ATP1A1: variants seen among roughly 807,000 people sequenced by gnomAD.
ATP1A1 encodes the protein ATPase Na+/K+ transporting subunit alpha 1, also known as sodium/potassium-transporting ATPase subunit alpha-1.
In ATP1A1, 14 loss-of-function variants were observed where a neutral mutation model predicts 114.8. That is an observed-to-expected ratio of 0.12 (90% CI 0.08 to 0.19). ATP1A1 has a LOEUF of 0.19. ATP1A1 is among the 10% of genes least tolerant of loss of function. The pLI, the probability that ATP1A1 is intolerant of heterozygous loss-of-function variation, is 1.00. For synonymous variants in ATP1A1, 471 were observed against 466.3 expected, an observed-to-expected ratio of 1.01 and a Z score of -0.13; for missense variants, 524 against 1,290.7, an observed-to-expected ratio of 0.41 and a Z score of 9.10.
At chr1:116,375,969 T>G (rs902930337) in intron 1 of ATP1A1, among the ~76,000 whole-genome samples, 5 of 152,252 alleles carry the variant, frequency 3.3e-5, no homozygotes, top group Non-Finnish European at 5.9e-5. Context: ...CAGCTCTTGC[T>G]GAATCATTCC....
In ATP1A1 at chr1:116,374,122, T is replaced by G; in HGVS notation, c.12+599T>G. 3.9e-6 allele frequency: 6 copies of G among 1,540,508 alleles called. No individual in the cohort carries two copies. In the South Asian group the frequency reaches 7.2e-5, roughly 19 times the overall value. The stretch of plus-strand genomic sequence containing the variant: ...CTGGGGACGCTGGGGCTTAGCTTGC[T>G]CCGCGCAGAGGCGGCCGCCCTCCCC... On this transcript the variant is annotated intron_variant, in intron 1 of 22. Coordinates refer to ENST00000295598, the MANE Select transcript of ATP1A1 (RefSeq NM_000701.8).
intron 1 of ATP1A1, chr1:116,374,197 G>T (rs762135912): frequency 2.6e-6 from 4 of 1,550,728 alleles, no homozygotes; most frequent in Non-Finnish European, 3.5e-6. Flanking sequence ...GGGCGGGCTG[G>T]TGCCAGAAAG....
chr1:116,379,811 C>T (rs1379571289), intron 1 of ATP1A1, among the ~76,000 whole-genome samples: 2 of 152,152 alleles, frequency 1.3e-5, no homozygotes, highest in African/African-American at 4.8e-5. Context: ...AATGAGAAAG[C>T]ACCCCTCCCC....
rs921810198 is a variant in ATP1A1 at position 116,387,055 on chromosome 1, T to A, written c.184-233T>A. Among the ~76,000 whole-genome samples the A allele has an allele frequency of 2.6e-5, 4 of 152,220 alleles. No homozygotes were observed. Among genetic ancestry groups the A allele is most frequent in the Non-Finnish European group, 5.9e-5 (4 of 68,032 alleles). ...TATTGATGGATCAATTTAAAGAGTT[T>A]TAATCTGGGTGTTATGAGTTCCTTG... is the stretch of plus-strand genomic sequence containing the variant. On this transcript the variant is annotated intron_variant, in intron 3 of 22. Transcript: ENST00000295598. This position sits in a 1 kb window ranked among gnomAD's most constrained non-coding sequence, Gnocchi z 6.7.
At position 116,404,516 on chromosome 1, in the gene ATP1A1, C is replaced by G. The variant is rs1653812776; in HGVS notation, c.*72C>G. On this transcript the variant is annotated 3_prime_UTR_variant, in exon 23 of 23. Coordinates refer to ENST00000295598, the MANE Select transcript of ATP1A1 (RefSeq NM_000701.8). This position sits in a 1 kb window ranked among gnomAD's most constrained non-coding sequence, Gnocchi z 4.8. ...CCGACACCCACCCCCTCTTTGTGTACTTCAGTCTTGGAGTTTGGAACTCTA... is the reference window on the plus strand; with the variant it reads ...CCGACACCCACCCCCTCTTTGTGTAGTTCAGTCTTGGAGTTTGGAACTCTA... The G allele has an allele frequency of 6.4e-7, 1 of 1,551,620 alleles. No homozygotes were observed. Among genetic ancestry groups the G allele is most frequent in the African/African-American group, 1.4e-5 (1 of 71,128 alleles).
In ATP1A1 at chr1:116,387,938, T is replaced by C. The variant is rs1349627035; in HGVS notation, c.388-193T>C. Reference sequence around the variant, plus strand: ...CAAACGTCCAGTTAGTGATCAAGTGTTGGTGTGCCTGACTCCATTTCTGAC... The same window carrying C: ...CAAACGTCCAGTTAGTGATCAAGTGCTGGTGTGCCTGACTCCATTTCTGAC... On this transcript the variant is annotated intron_variant, in intron 4 of 22. Coordinates refer to ENST00000295598, the MANE Select transcript of ATP1A1 (RefSeq NM_000701.8). This position sits in a 1 kb window ranked among gnomAD's most constrained non-coding sequence, Gnocchi z 6.7. Among the ~76,000 whole-genome samples the C allele has an allele frequency of 2.0e-5, 3 of 152,254 alleles. No individual in the cohort carries two copies. The highest frequency in any genetic ancestry group is 7.2e-5 in the African/African-American group (3 of 41,466).
At position 116,387,981 on chromosome 1, in the gene ATP1A1, T is replaced by C. The variant is rs1652208407; in HGVS notation, c.388-150T>C. 2 of 619,890 alleles carry C rather than the reference T, an allele frequency of 3.2e-6. No homozygotes were observed. Among genetic ancestry groups the C allele is most frequent in the Admixed American group, 3.1e-5 (1 of 32,058 alleles). 38.4% of individuals were successfully genotyped at this position (619,890 alleles called of 1,614,324 possible). ...TTTCTGACCCTTCCTGTGTGGTCTTTAGAAGGATAAATAAGAAAACATGAG... is the reference window on the plus strand; with the variant it reads ...TTTCTGACCCTTCCTGTGTGGTCTTCAGAAGGATAAATAAGAAAACATGAG... On this transcript the variant is annotated intron_variant, in intron 4 of 22. Coordinates refer to ENST00000295598, the MANE Select transcript of ATP1A1 (RefSeq NM_000701.8). This position sits in a 1 kb window ranked among gnomAD's most constrained non-coding sequence, Gnocchi z 6.7.
In ATP1A1 at chr1:116,401,524, T is replaced by C; in HGVS notation, c.2850-30T>C. The C allele has an allele frequency of 6.2e-7, 1 of 1,606,200 alleles. No homozygotes were observed. Reference sequence around the variant, plus strand: ...AAGATAAACCTTTATTTGCACCTTTTAAGTTTTTTCTCCCCTACTTTGATT... The same window carrying C: ...AAGATAAACCTTTATTTGCACCTTTCAAGTTTTTTCTCCCCTACTTTGATT... On this transcript the variant is annotated intron_variant, in intron 20 of 22. Transcript: ENST00000295598. The surrounding 1 kb of genome is among the most constrained non-coding windows in gnomAD (Gnocchi z 4.7).
intron 1 of ATP1A1, among the ~76,000 whole-genome samples, chr1:116,374,874 A>G (rs1651257069): frequency 6.6e-6 from 1 of 152,148 alleles, no homozygotes; most frequent in Non-Finnish European, 1.5e-5. Flanking sequence ...GGAGTTTTAA[A>G]GGAGGTAATT....
Position 116,397,610 on chromosome 1 carries a change from C to G in ATP1A1, c.1974-278C>G, listed in dbSNP as rs1186931815. ...GCATGAGCCACACACCCAGCTAAAA[C>G]TTGGTTATATTTCAGCATGTCTAAT... On this transcript the variant is annotated intron_variant, in intron 14 of 22. Transcript: ENST00000295598. The surrounding 1 kb of genome is among the most constrained non-coding windows in gnomAD (Gnocchi z 4.2). 1.3e-5 allele frequency among the ~76,000 whole-genome samples: 2 copies of G among 152,132 alleles called. No individual in the cohort carries two copies. Among genetic ancestry groups the G allele is most frequent in the African/African-American group, 2.4e-5 (1 of 41,428 alleles).
intron 1 of ATP1A1, among the ~76,000 whole-genome samples, chr1:116,375,514 C>T (rs1309163157): frequency 6.6e-6 from 1 of 152,190 alleles, no homozygotes; most frequent in Non-Finnish European, 1.5e-5. Context: ...AGCTTAAACC[C>T]AGATGTCTTA....
chr1:116,400,827 A>G (rs1029702412), intron 18 of ATP1A1, 34 bp from the exon 19 acceptor site: 8 of 1,594,466 alleles, frequency 5.0e-6, no homozygotes, highest in Non-Finnish European at 6.8e-6. Flanking sequence ...CTTGTGTGTG[A>G]GGTTCTAGTA....
chr1:116,382,034 G>T (rs1490540028), intron 1 of ATP1A1, among the ~76,000 whole-genome samples: 3 of 152,118 alleles, frequency 2.0e-5, no homozygotes, highest in Non-Finnish European at 4.4e-5. Flanking sequence ...AATTAGCCAG[G>T]CGTGGTGGCG....
At chr1:116,376,289 G>A (rs1262427104) in intron 1 of ATP1A1, among the ~76,000 whole-genome samples, 8 of 152,176 alleles carry the variant, frequency 5.3e-5, no homozygotes, top group Non-Finnish European at 1.0e-4. Context: ...GTGGCAGGGG[G>A]GATGCACATG....
At chr1:116,377,567 A>G (rs577537670) in intron 1 of ATP1A1, among the ~76,000 whole-genome samples, 1 of 152,358 alleles carries the variant, frequency 6.6e-6, no homozygotes, top group Non-Finnish European at 1.5e-5. Context: ...CTTTCTGTCT[A>G]CTTTCACTTC....
At position 116,373,659 on chromosome 1, in the gene ATP1A1, G is replaced by C. The variant is rs529812317; in HGVS notation, c.12+136G>C. ...CCGCGTGGAGTGGGCTGGCAGAGCC[G>C]CGCGGCTTAAAAGACGACGCAGTTT... On this transcript the variant is annotated intron_variant, in intron 1 of 22. Transcript: ENST00000295598. 3.4e-5 allele frequency: 38 copies of C among 1,112,110 alleles called. No homozygotes were observed. The African/African-American group carries it at 4.6e-4, about 14-fold the overall frequency. The allele number at this position is 1,112,110 out of a possible 1,614,324, so 68.9% of individuals were successfully genotyped here.
At position 116,401,908 on chromosome 1, in the gene ATP1A1, A is replaced by C. The variant is rs1254485039; in HGVS notation, c.2951+253A>C. The stretch of plus-strand genomic sequence containing the variant: ...AGCCACACAGGCTCTAGCTCCATGG[A>C]ACTGCTCAACAGCGAACTGCATTGA... On this transcript the variant is annotated intron_variant, in intron 21 of 22. Coordinates refer to ENST00000295598, the MANE Select transcript of ATP1A1 (RefSeq NM_000701.8). This position sits in a 1 kb window ranked among gnomAD's most constrained non-coding sequence, Gnocchi z 4.7. 9.5e-6 allele frequency: 5 copies of C among 524,798 alleles called. No individual in the cohort carries two copies. The East Asian group carries it at 1.7e-4, about 18-fold the overall frequency. 32.5% of individuals were successfully genotyped at this position (524,798 alleles called of 1,614,324 possible).
At position 116,397,293 on chromosome 1, in the gene ATP1A1, T is replaced by C. The variant is rs1236710215; in HGVS notation, c.1973+559T>C. Among the ~76,000 whole-genome samples the C allele has an allele frequency of 6.6e-6, 1 of 152,184 alleles. No homozygotes were observed. The highest frequency in any genetic ancestry group is 2.4e-5 in the African/African-American group (1 of 41,456). On this transcript the variant is annotated intron_variant, in intron 14 of 22. Transcript: ENST00000295598. This position sits in a 1 kb window ranked among gnomAD's most constrained non-coding sequence, Gnocchi z 4.2. ...GGTTAGAGGAGGGTTTGGTCTTGTA[T>C]CAGCTCTGCCACTTTCTAAAACTTG...
At position 116,396,318 on chromosome 1, in the gene ATP1A1, A is replaced by G. The variant is rs1436816542; in HGVS notation, c.1837-280A>G. ...TTTTTGCTGGTTTTAGTAATTTTCA[A>G]GTATTTTTATGTAACTCTGTAGAAG... On this transcript the variant is annotated intron_variant, in intron 13 of 22. Transcript: ENST00000295598. Among the ~76,000 whole-genome samples the G allele has an allele frequency of 2.2e-5, 3 of 135,204 alleles. No individual in the cohort carries two copies. The East Asian group carries it at 5.9e-4, about 27-fold the overall frequency. 88.7% of individuals were successfully genotyped at this position (135,204 alleles called of 152,430 possible).
Sources: allele counts gnomAD v4.1 joint callset (sites outside exome capture counted in the v4.1 genomes callset), GRCh38; gene constraint gnomAD v4.1.1; non-coding constraint Gnocchi (gnomAD v3.1); transcripts MANE v1.5; gene names NCBI Gene and HGNC (gene_info 2026-07-23, HGNC 2026-07-21).